Variants in COLEC10 observed in about 807,000 individuals in gnomAD.
The protein encoded by COLEC10 is collectin-10.
In COLEC10, 22 loss-of-function variants were observed where a neutral mutation model predicts 28.4. The ratio of observed to expected loss-of-function variants is 0.78; its 90% CI spans 0.55 to 1.11. COLEC10 has a LOEUF of 1.11. Ranked by LOEUF, COLEC10 falls within the 50% of genes least tolerant of loss-of-function variation. COLEC10 has a pLI of 0.00. For synonymous variants in COLEC10, 125 were observed against 116.1 expected, an observed-to-expected ratio of 1.08 and a Z score of -0.49; for missense variants, 361 against 344.1, an observed-to-expected ratio of 1.05 and a Z score of -0.39.
chr8:119,030,919 A>G (rs527273886), intron 2 of COLEC10, among the ~76,000 whole-genome samples: 1 of 152,216 alleles, frequency 6.6e-6, no homozygotes, highest in Non-Finnish European at 1.5e-5. Flanking sequence ...GATGACTCTG[A>G]TGGAGGGATA....
At chr8:119,053,813 C>T (rs1814718309) in intron 2 of COLEC10, among the ~76,000 whole-genome samples, 1 of 151,976 alleles carries the variant, frequency 6.6e-6, no homozygotes, top group Non-Finnish European at 1.5e-5. Flanking sequence ...TACAGTATTC[C>T]CTTCTTTATC....
chr8:118,988,383 A>T, the COLEC10 span, among the ~76,000 whole-genome samples: 6 of 152,168 alleles, frequency 3.9e-5, no homozygotes, highest in African/African-American at 1.2e-4. Flanking sequence ...TTTAGCAGAG[A>T]GCAATTCTGA....
the COLEC10 span, among the ~76,000 whole-genome samples, chr8:118,955,752 A>T: frequency 1.4e-4 from 22 of 152,192 alleles, no homozygotes; most frequent in Non-Finnish European, 2.8e-4. Context: ...GGGAGGAAGC[A>T]AGGTGGGATT....
intron 2 of COLEC10, among the ~76,000 whole-genome samples, chr8:119,032,857 G>A (rs1171759378): frequency 6.6e-6 from 1 of 152,228 alleles, no homozygotes; most frequent in South Asian, 2.1e-4. Context: ...AGCTGAGATC[G>A]CGCCTCTGCA....
At chr8:118,962,902 C>T in the COLEC10 span, among the ~76,000 whole-genome samples, 2 of 152,190 alleles carry the variant, frequency 1.3e-5, no homozygotes, top group African/African-American at 4.8e-5. Context: ...AATTCATTCT[C>T]ATATTCAGTT....
At chr8:119,019,072 C>T (rs1369272706) in intron 2 of COLEC10, among the ~76,000 whole-genome samples, 1 of 152,172 alleles carries the variant, frequency 6.6e-6, no homozygotes, top group Non-Finnish European at 1.5e-5. Flanking sequence ...CCAACAACTC[C>T]CAGAGCTCAG....
At chr8:119,059,707 C>T (rs915679614) in intron 2 of COLEC10, among the ~76,000 whole-genome samples, 2 of 152,002 alleles carry the variant, frequency 1.3e-5, no homozygotes, top group South Asian at 4.2e-4. Context: ...TACATGAAGG[C>T]CTCATACTTT....
In COLEC10 at chr8:119,052,751, T is replaced by C. The variant is rs139423698; in HGVS notation, n.236-36929T>C. On this transcript the variant is annotated intron_variant and non_coding_transcript_variant, in intron 2 of 6. Coordinates refer to the COLEC10 transcript ENST00000521788. Reference sequence around the variant, plus strand: ...AAAATAAGAATTATTACATTCTAACTGAAAGACTTGTTGCTGGTGGCAATA... The same window carrying C: ...AAAATAAGAATTATTACATTCTAACCGAAAGACTTGTTGCTGGTGGCAATA... Among the ~76,000 whole-genome samples, 389 of 152,298 alleles carry C rather than the reference T, an allele frequency of 2.6e-3. 2 individuals carry two copies. The highest frequency in any genetic ancestry group is 9.0e-3 in the African/African-American group (376 of 41,566).
intron 1 of COLEC10, among the ~76,000 whole-genome samples, chr8:119,000,468 C>T (rs779532136): frequency 1.3e-5 from 2 of 152,002 alleles, no homozygotes; most frequent in Non-Finnish European, 2.9e-5. Context: ...AGACCAAGTG[C>T]ACAGAGGAGC....
chr8:118,991,342 G>A (rs1369791543), upstream of COLEC10, among the ~76,000 whole-genome samples: 1 of 152,110 alleles, frequency 6.6e-6, no homozygotes, highest in African/African-American at 2.4e-5. Flanking sequence ...TCATCAAGTT[G>A]CTGTGAAGAT....
At position 119,070,446 on chromosome 8, in the gene COLEC10, GCTCTCTCT is replaced by G. The variant is rs760543405; in HGVS notation, c.148+3041_148+3048del. ...ACAGGAAAATGAAATGTTCTCCCTC[GCTCTCTCT>G]CTCTCTCTCTCTCTCTCTCTCTCCT... On this transcript the variant is annotated intron_variant, in intron 1 of 5. Transcript: ENST00000332843. 8.2e-4 allele frequency among the ~76,000 whole-genome samples: 66 copies of G among 80,598 alleles called. 1 individual carries two copies. Among genetic ancestry groups the G allele is most frequent in the South Asian group, 1.4e-3 (3 of 2,096 alleles). The allele number at this position is 80,598 out of a possible 152,430, so 52.9% of individuals were successfully genotyped here. A position where few individuals can be genotyped will look rare whatever the true frequency, so the allele number is the denominator to read the frequency against.
chr8:119,012,231 A>G lies in COLEC10; in HGVS notation n.235+2678A>G, dbSNP rs1452004906. 1.3e-5 allele frequency among the ~76,000 whole-genome samples: 2 copies of G among 150,816 alleles called. 1 individual carries two copies. The highest frequency in any genetic ancestry group is 4.9e-5 in the African/African-American group (2 of 40,418). Reference sequence around the variant, plus strand: ...CCTGCATCTACTGATATAATCACATAATTTTTATTCTTTATCCTGTTATTG... The same window carrying G: ...CCTGCATCTACTGATATAATCACATGATTTTTATTCTTTATCCTGTTATTG... On this transcript the variant is annotated intron_variant and non_coding_transcript_variant, in intron 2 of 6. Transcript: ENST00000521788.
chr8:119,103,964 C>T (rs1815890016), intron 5 of COLEC10, 69 bp downstream of exon 5: 1 of 1,054,286 alleles, frequency 9.5e-7, no homozygotes, highest in Non-Finnish European at 1.5e-6. Flanking sequence ...TTCCAGTACT[C>T]TTAGATGGAA....
At chr8:119,087,075 A>G (rs1403311004) in intron 1 of COLEC10, among the ~76,000 whole-genome samples, 1 of 152,216 alleles carries the variant, frequency 6.6e-6, no homozygotes, top group African/African-American at 2.4e-5. Context: ...ATCAAATGAT[A>G]GATTGTATGT....
At chr8:119,091,742 T>C (rs1449509884) in intron 3 of COLEC10, among the ~76,000 whole-genome samples, 1 of 152,104 alleles carries the variant, frequency 6.6e-6, no homozygotes, top group Non-Finnish European at 1.5e-5. Context: ...GTCTCTTTCT[T>C]CCATATATAA....
intron 3 of COLEC10, among the ~76,000 whole-genome samples, chr8:119,092,091 A>G (rs1815616794): frequency 1.6e-5 from 2 of 123,012 alleles, no homozygotes; most frequent in African/African-American, 6.1e-5. Context: ...TTTTTTTGAG[A>G]TGGAGTCTTG....
chr8:118,984,707 G>A, the COLEC10 span, among the ~76,000 whole-genome samples: 1 of 152,032 alleles, frequency 6.6e-6, no homozygotes, highest in Admixed American at 6.6e-5. Context: ...AACCACCAGA[G>A]CCTAGGAAAA....
At chr8:119,091,601 GAAAGAA>G (rs777958658) in intron 3 of COLEC10, among the ~76,000 whole-genome samples, 3,728 of 120,930 alleles carry the variant, frequency 0.031, 77 homozygotes, top group African/African-American at 0.088. Flanking sequence ...GAGAGAGAAA[GAAAGAA>G]AGAAAGAAAG....
At chr8:118,991,160 A>G (rs1357748880), upstream of COLEC10, among the ~76,000 whole-genome samples, 1 of 152,162 alleles carries the variant, frequency 6.6e-6, no homozygotes, top group Non-Finnish European at 1.5e-5. Context: ...GGAATTTCAC[A>G]TATATCATTT....
Sources: allele counts gnomAD v4.1 joint callset (sites outside exome capture counted in the v4.1 genomes callset), GRCh38; gene constraint gnomAD v4.1.1; transcripts MANE v1.5; gene names NCBI Gene and HGNC (gene_info 2026-07-23, HGNC 2026-07-21).